Variants in AFF3 observed in about 807,000 individuals in gnomAD.
AFF3 encodes AF4/FMR2 family member 3.
A neutral mutation model predicts 129.7 loss-of-function variants in AFF3; 32 were observed. The observed-to-expected ratio is 0.25, with a 90% CI of 0.19 to 0.33. AFF3 has a LOEUF of 0.33. Among genes scored for constraint, AFF3 ranks in the 10% least tolerant of loss-of-function variants. The probability of loss-of-function intolerance (pLI) is 1.00; values close to 1 mark genes in which losing one functional copy is unlikely to be tolerated. For synonymous variants in AFF3, 644 were observed against 635.4 expected (o/e 1.01, Z -0.20); for missense variants, 1,373 against 1,592.0 (o/e 0.86, Z 2.34).
At chr2:100,068,069 AG>A (rs1317267551) in intron 4 of AFF3, among the ~76,000 whole-genome samples, 2 of 152,228 alleles carry the variant, frequency 1.3e-5, no homozygotes, top group African/African-American at 4.8e-5. Flanking sequence ...TCTTCTGTAA[AG>A]GCTGGCCTTG....
chr2:99,607,712 G>A (rs1443694042), intron 13 of AFF3, among the ~76,000 whole-genome samples: 1 of 152,206 alleles, frequency 6.6e-6, no homozygotes, highest in Non-Finnish European at 1.5e-5. Context: ...GTGGACAGCT[G>A]TGGTGCCCAC....
intron 12 of AFF3, among the ~76,000 whole-genome samples, chr2:99,652,082 G>A (rs530155706): frequency 5.3e-5 from 8 of 152,164 alleles, no homozygotes; most frequent in Non-Finnish European, 1.0e-4. Flanking sequence ...CTGGAACCAT[G>A]AGCCGGTGTC....
At chr2:99,566,783 A>C (rs978010606) in intron 19 of AFF3, among the ~76,000 whole-genome samples, 1 of 152,186 alleles carries the variant, frequency 6.6e-6, no homozygotes, top group African/African-American at 2.4e-5. Context: ...TCATTCATCA[A>C]TTAAAACAGA....
At chr2:100,068,486 T>A (rs1462827441) in intron 4 of AFF3, among the ~76,000 whole-genome samples, 2 of 152,160 alleles carry the variant, frequency 1.3e-5, no homozygotes, top group Non-Finnish European at 2.9e-5. Context: ...GACACAATTA[T>A]CCTAAAGTAG....
chr2:99,672,696 G>T, intron 11 of AFF3, 107 bp from the exon 12 acceptor site: 1 of 1,052,468 alleles, frequency 9.5e-7, no homozygotes, highest in Non-Finnish European at 1.4e-6. Context: ...CAACATTTTG[G>T]AAATAAGTCT....
At chr2:99,822,919 T>C (rs755959387) in intron 8 of AFF3, among the ~76,000 whole-genome samples, 12 of 152,200 alleles carry the variant, frequency 7.9e-5, no homozygotes, top group Non-Finnish European at 1.8e-4. Context: ...GTCAGAATGA[T>C]AAATGCTTAT....
chr2:99,756,932 C>T (rs1025090444), intron 8 of AFF3, among the ~76,000 whole-genome samples: 1 of 152,204 alleles, frequency 6.6e-6, no homozygotes. Flanking sequence ...TTAGCAACCA[C>T]TTTCAATAGA....
At chr2:99,651,270 T>C (rs1288644312) in intron 12 of AFF3, among the ~76,000 whole-genome samples, 1 of 152,118 alleles carries the variant, frequency 6.6e-6, no homozygotes. Flanking sequence ...TTTCACCCAT[T>C]TGCCTTCTAT....
At chr2:99,813,319 T>C (rs1268115680) in intron 8 of AFF3, among the ~76,000 whole-genome samples, 1 of 152,224 alleles carries the variant, frequency 6.6e-6, no homozygotes, top group Admixed American at 6.5e-5. Flanking sequence ...ATTTGTGTAA[T>C]AGATTTTTAT....
At chr2:100,008,974 T>C (rs1196883409) in intron 4 of AFF3, 42 bp from the exon 5 acceptor site, 1 of 1,606,646 alleles carries the variant, frequency 6.2e-7, no homozygotes. Context: ...CACACACAAA[T>C]TAAACTGTAA....
In AFF3 at chr2:99,690,190, T is replaced by TA. The variant is rs1553431348; in HGVS notation, c.1092-17602dup. Among the ~76,000 whole-genome samples, 249 of 139,078 alleles carry TA rather than the reference T, an allele frequency of 1.8e-3. 3 individuals are homozygous for TA. The highest frequency in any genetic ancestry group is 6.7e-3 in the African/African-American group (237 of 35,492). 91.2% of individuals were successfully genotyped at this position (139,078 alleles called of 152,430 possible). On this transcript the variant is annotated intron_variant, in intron 11 of 24. Transcript: ENST00000672756. The stretch of plus-strand genomic sequence containing the variant: ...TTATTATTATTATTATTATTATTAT[T>TA]ATTATTATTTGAGACAGTCTCGCTC...
At chr2:99,707,657 C>A in intron 11 of AFF3, 1 of 984,170 alleles carries the variant, frequency 1.0e-6, no homozygotes, top group Non-Finnish European at 1.2e-6. Context: ...TCTTTCCATT[C>A]CTGGAAGAGC....
intron 4 of AFF3, among the ~76,000 whole-genome samples, chr2:100,049,715 C>A (rs998524544): frequency 6.6e-6 from 1 of 152,184 alleles, no homozygotes; most frequent in African/African-American, 2.4e-5. Context: ...ATTCGCCCAT[C>A]TCCATGACAC....
At chr2:99,750,822 A>G (rs557536645) in intron 9 of AFF3, among the ~76,000 whole-genome samples, 2 of 152,316 alleles carry the variant, frequency 1.3e-5, no homozygotes, top group African/African-American at 2.4e-5. Flanking sequence ...GAGGCATTTG[A>G]TCTAACAGTG....
Position 99,592,938 on chromosome 2 carries a change from C to A in AFF3, c.2466+257G>T, listed in dbSNP as rs374010363. Among the ~76,000 whole-genome samples the A allele has an allele frequency of 5.6e-4, 50 of 89,280 alleles. 4 individuals are homozygous for A. The highest frequency in any genetic ancestry group is 5.3e-3 in the Middle Eastern group (1 of 188). 58.6% of individuals were successfully genotyped at this position (89,280 alleles called of 152,430 possible). On this transcript the variant is annotated intron_variant, in intron 15 of 24. Coordinates refer to ENST00000672756, the MANE Select transcript of AFF3 (RefSeq NM_001386135.1). ...GCGACAGAGTGAGACTCCCTCCCCC[C>A]CCCCCAAAAAAAGGGATAATAATGG...
chr2:100,083,771 TA>T (rs2105368402), intron 4 of AFF3, among the ~76,000 whole-genome samples: 1 of 151,960 alleles, frequency 6.6e-6, no homozygotes, highest in East Asian at 1.9e-4. Context: ...ACCTCCAGGT[TA>T]AGGATCCTCA....
intron 7 of AFF3, among the ~76,000 whole-genome samples, chr2:99,888,822 T>C (rs1352787573): frequency 6.6e-6 from 1 of 152,146 alleles, no homozygotes; most frequent in Non-Finnish European, 1.5e-5. Flanking sequence ...CAAGGAGGGA[T>C]GAACAATGAC....
intron 11 of AFF3, 66 bp downstream of exon 11, chr2:99,727,011 C>T: frequency 3.0e-6 from 4 of 1,327,126 alleles, no homozygotes; most frequent in Middle Eastern, 1.8e-4. Context: ...AAGATACTTG[C>T]ACTATCTCAT....
intron 4 of AFF3, among the ~76,000 whole-genome samples, chr2:100,030,856 T>C (rs1054972124): frequency 6.6e-6 from 1 of 152,170 alleles, no homozygotes; most frequent in Non-Finnish European, 1.5e-5. Flanking sequence ...AGGTTGAATG[T>C]AGAGTACAGG....
Sources: allele counts gnomAD v4.1 joint callset (sites outside exome capture counted in the v4.1 genomes callset), GRCh38; gene constraint gnomAD v4.1.1; transcripts MANE v1.5; gene names NCBI Gene and HGNC (gene_info 2026-07-23, HGNC 2026-07-21).